FYCO1: variants seen among roughly 807,000 people sequenced by gnomAD.
FYCO1 encodes the protein FYVE and coiled-coil domain autophagy adaptor 1, also known as FYVE and coiled-coil domain-containing protein 1.
A neutral mutation model predicts 165.1 loss-of-function variants in FYCO1; 122 were observed. The ratio of observed to expected loss-of-function variants is 0.74; its 90% CI spans 0.64 to 0.86. The LOEUF is 0.86. FYCO1 is among the 40% of genes least tolerant of loss of function. The pLI is 0.00. For synonymous variants in FYCO1, 648 were observed against 742.5 expected (o/e 0.87, Z 2.07); for missense variants, 1,702 against 1,810.3 (o/e 0.94, Z 1.09).
intron 12 of FYCO1, 22 bp from the exon 13 acceptor site, chr3:45,958,641 G>T: frequency 6.2e-7 from 1 of 1,611,074 alleles, no homozygotes; most frequent in Non-Finnish European, 8.5e-7. Context: ...ACAAGCCCAG[G>T]CTGTGAGGAT....
At position 45,920,051 on chromosome 3, in the gene FYCO1, G is replaced by A. The variant is rs893857378; in HGVS notation, c.*1714C>T. ...TTTCTCTGGGCAACCTCTTTGAAAGGTTCTATTCCCTGTTCCCCATGCCTT... is the reference window on the plus strand; with the variant it reads ...TTTCTCTGGGCAACCTCTTTGAAAGATTCTATTCCCTGTTCCCCATGCCTT... On this transcript the variant is annotated 3_prime_UTR_variant, in exon 18 of 18. Coordinates refer to ENST00000296137, the MANE Select transcript of FYCO1 (RefSeq NM_024513.4). The A allele has an allele frequency of 2.6e-5, 4 of 152,372 alleles. No individual in the cohort carries two copies. Among genetic ancestry groups the A allele is most frequent in the Admixed American group, 2.0e-4 (3 of 15,308 alleles). The allele number at this position is 152,372 out of a possible 1,614,324, so 9.4% of individuals were successfully genotyped here.
intron 1 of FYCO1, among the ~76,000 whole-genome samples, chr3:45,995,021 A>G (rs1421926549): frequency 6.6e-6 from 1 of 152,048 alleles, no homozygotes; most frequent in East Asian, 1.9e-4. Flanking sequence ...TCTTACAAAA[A>G]ATAAAATCCC....
At position 45,921,643 on chromosome 3, in the gene FYCO1, G is replaced by A; in HGVS notation, c.*122C>T. The A allele has an allele frequency of 1.3e-6, 1 of 743,556 alleles. No homozygotes were observed. The highest frequency in any genetic ancestry group is 2.4e-6 in the Non-Finnish European group (1 of 411,578). The allele number at this position is 743,556 out of a possible 1,614,324, so 46.1% of individuals were successfully genotyped here. Reference sequence around the variant, plus strand: ...TCCTCCCCAGACACCGCCTCTGAGGGGCAGCCCAGGGGCTGAGTTGATGAT... The same window carrying A: ...TCCTCCCCAGACACCGCCTCTGAGGAGCAGCCCAGGGGCTGAGTTGATGAT... On this transcript the variant is annotated 3_prime_UTR_variant, in exon 18 of 18. Transcript: ENST00000296137.
intron 14 of FYCO1, chr3:45,946,886 C>A: frequency 6.2e-7 from 1 of 1,614,228 alleles, no homozygotes; most frequent in Non-Finnish European, 8.5e-7. Flanking sequence ...TTAAGGCCAC[C>A]AAGGCCTACA....
chr3:45,927,080 G>A (rs775032520), intron 16 of FYCO1, among the ~76,000 whole-genome samples: 9 of 152,102 alleles, frequency 5.9e-5, no homozygotes, highest in Non-Finnish European at 1.0e-4. Flanking sequence ...TCCAACCCGC[G>A]GCCCAGGAAG....
At chr3:45,975,605 T>C (rs994130552) in intron 4 of FYCO1, among the ~76,000 whole-genome samples, 1 of 152,210 alleles carries the variant, frequency 6.6e-6, no homozygotes, top group African/African-American at 2.4e-5. Flanking sequence ...GAAAACATAT[T>C]AACAAGAGGC....
intron 7 of FYCO1, 69 bp downstream of exon 7, chr3:45,969,606 G>A: frequency 1.6e-6 from 2 of 1,246,556 alleles, no homozygotes; most frequent in Non-Finnish European, 2.3e-6. Flanking sequence ...TCACCCTTGA[G>A]TTGCTAGGGG....
intron 1 of FYCO1, among the ~76,000 whole-genome samples, chr3:45,994,801 C>T (rs1707719008): frequency 3.3e-5 from 5 of 152,174 alleles, no homozygotes; most frequent in Admixed American, 2.0e-4. Context: ...AAGCCCCTGA[C>T]CCATTTCTCT....
At chr3:45,936,970 A>G (rs1703926829) in intron 14 of FYCO1, among the ~76,000 whole-genome samples, 1 of 152,180 alleles carries the variant, frequency 6.6e-6, no homozygotes, top group Admixed American at 6.5e-5. Context: ...AAGAACAGGC[A>G]CCCAGGGGAG....
At chr3:45,953,348 C>A (rs1393503401) in intron 14 of FYCO1, among the ~76,000 whole-genome samples, 1 of 152,132 alleles carries the variant, frequency 6.6e-6, no homozygotes, top group East Asian at 1.9e-4. Flanking sequence ...GACCTGGGAC[C>A]CACATAAATT....
rs1169143961 is a variant in FYCO1 at position 45,967,673 on chromosome 3, T to C, written c.1661A>G (p.Glu554Gly). Residue 554 changes from glutamate to glycine, a missense_variant, in exon 8 of 18, where the codon GAG becomes GGG. Physicochemically the swap from Glu to Gly is moderately conservative, Grantham distance 98 (BLOSUM62 -2). Coordinates refer to ENST00000296137, the MANE Select transcript of FYCO1 (RefSeq NM_024513.4). ...DHLSQQVGML[E>G]RLAGPPGPEL... ...TGGGCCAGGCGGCCCAGCAAGCCGC[T>C]CGAGCATACCCACCTGCTGGCTGAG... 2 of 1,613,780 alleles carry C rather than the reference T, an allele frequency of 1.2e-6. No homozygotes were observed. The highest frequency in any genetic ancestry group is 1.7e-6 in the Non-Finnish European group (2 of 1,180,034).
Position 45,921,744 on chromosome 3 carries a change from G to GAAGT in FYCO1, c.*17_*20dup, listed in dbSNP as rs1559436817. 1 of 1,508,190 alleles carries GAAGT rather than the reference G, an allele frequency of 6.6e-7. No individual in the cohort carries two copies. Among genetic ancestry groups the GAAGT allele is most frequent in the East Asian group, 2.3e-5 (1 of 44,358 alleles). 93.4% of individuals were successfully genotyped at this position (1,508,190 alleles called of 1,614,324 possible). On this transcript the variant is annotated 3_prime_UTR_variant, in exon 18 of 18. Coordinates refer to ENST00000296137, the MANE Select transcript of FYCO1 (RefSeq NM_024513.4). The stretch of plus-strand genomic sequence containing the variant: ...GAGCAGTGTTTCCTGTGGATGAAGT[G>GAAGT]AAGTTACTGAGGTGCTGAAGCTACA...
Position 45,973,089 on chromosome 3 carries a change from T to C in FYCO1, c.538A>G (p.Arg180Gly). ...AAACCAAGCAATCCTTCAAAGTACC[T>C]GGCAAATGTTGGCCAGGCAGCATCC... Reference protein sequence around the residue: ...DLDAAWPTFARRTLTTGSSAY... With the variant: ...DLDAAWPTFAGRTLTTGSSAY... Residue 180 changes from arginine (R) to glycine (G), a missense_variant and splice_region_variant, in exon 6 of 18, where the codon AGG becomes GGG. Transcript: ENST00000296137. The C allele has an allele frequency of 3.1e-6, 5 of 1,614,204 alleles. No individual in the cohort carries two copies. The highest frequency in any genetic ancestry group is 4.2e-6 in the Non-Finnish European group (5 of 1,180,020).
At chr3:45,940,696 T>A (rs953416454) in intron 14 of FYCO1, among the ~76,000 whole-genome samples, 1 of 152,220 alleles carries the variant, frequency 6.6e-6, no homozygotes, top group Non-Finnish European at 1.5e-5. Flanking sequence ...CATTTGTTCC[T>A]GCTCTAAAAC....
Position 45,921,598 on chromosome 3 carries a change from G to A in FYCO1, c.*167C>T, listed in dbSNP as rs1410972278. The stretch of plus-strand genomic sequence containing the variant: ...GCCTCGGGGGCTAAGAGTGGCCGGT[G>A]CAGAGTGCTGAGCACAAAGTCCTCC... On this transcript the variant is annotated 3_prime_UTR_variant, in exon 18 of 18. Transcript: ENST00000296137. 7.6e-6 allele frequency: 5 copies of A among 661,052 alleles called. No homozygotes were observed. The highest frequency in any genetic ancestry group is 1.1e-5 in the Non-Finnish European group (4 of 359,610). The allele number at this position is 661,052 out of a possible 1,614,324, so 40.9% of individuals were successfully genotyped here. A position where few individuals can be genotyped will look rare whatever the true frequency, so the allele number is the denominator to read the frequency against.
At chr3:45,987,370 T>A (rs1310341828) in intron 1 of FYCO1, among the ~76,000 whole-genome samples, 1 of 151,990 alleles carries the variant, frequency 6.6e-6, no homozygotes, top group Non-Finnish European at 1.5e-5. Context: ...ATAAGTTATA[T>A]CTCACAAAAA....
intron 14 of FYCO1, among the ~76,000 whole-genome samples, chr3:45,936,776 C>G (rs879185522): frequency 2.0e-5 from 3 of 152,112 alleles, no homozygotes; most frequent in Non-Finnish European, 4.4e-5. Flanking sequence ...AGCAGTTTCC[C>G]TGGAGCAGCT....
chr3:45,968,132 T>C lies in FYCO1; in HGVS notation c.1202A>G (p.Gln401Arg), dbSNP rs1230450790. The C allele has an allele frequency of 1.9e-6, 3 of 1,614,182 alleles. No individual in the cohort carries two copies. Among genetic ancestry groups the C allele is most frequent in the Non-Finnish European group, 2.5e-6 (3 of 1,180,024 alleles). ...PIPSDAAQEM[Q>R]ELGEKLQALE... ...GGCTTGAAGCTTCTCCCCTAGCTCC[T>C]GCATCTCCTGGGCCGCATCACTGGG... The change falls in exon 8 of 18, where the codon CAG becomes CGG. Residue 401 changes from glutamine to arginine, a missense_variant. Gln to Arg is a conservative substitution (Grantham distance 43). Transcript: ENST00000296137.
chr3:45,969,452 T>C (rs1306723118), intron 7 of FYCO1, among the ~76,000 whole-genome samples: 1 of 152,254 alleles, frequency 6.6e-6, no homozygotes, highest in Admixed American at 6.5e-5. Flanking sequence ...ACTGCTTCTT[T>C]TAAAATACTT....
Sources: allele counts gnomAD v4.1 joint callset (sites outside exome capture counted in the v4.1 genomes callset), GRCh38; gene constraint gnomAD v4.1.1; transcripts MANE v1.5; gene names NCBI Gene and HGNC (gene_info 2026-07-23, HGNC 2026-07-21).